The following SPRED2 variants were observed in gnomAD, a reference collection of about 807,000 sequenced individuals.
SPRED2 encodes the protein sprouty related EVH1 domain containing 2.
Under a neutral mutation model 43.0 loss-of-function variants are expected in SPRED2, and 47 were observed. The ratio of observed to expected loss-of-function variants is 1.09; its 90% CI spans 0.87 to 1.40. The LOEUF is 1.40. SPRED2 is among the 40% of genes most tolerant of loss of function. The pLI is 0.00. For synonymous variants in SPRED2, 225 were observed against 225.7 expected (o/e 1.00, Z 0.03); for missense variants, 561 against 586.4 (o/e 0.96, Z 0.45).
chr2:65,344,466 G>C, intron 2 of SPRED2: 1 of 601,388 alleles, frequency 1.7e-6, no homozygotes, highest in Non-Finnish European at 3.1e-6. Flanking sequence ...CTTAATCAAA[G>C]ATGCAAATAA....
intron 1 of SPRED2, among the ~76,000 whole-genome samples, chr2:65,359,045 G>C (rs534505327): frequency 6.6e-6 from 1 of 152,208 alleles, no homozygotes; most frequent in Non-Finnish European, 1.5e-5. Context: ...CCGTACTGAT[G>C]TTATTTTACA....
At chr2:65,431,003 G>T (rs1017963240) in intron 1 of SPRED2, among the ~76,000 whole-genome samples, 3 of 152,052 alleles carry the variant, frequency 2.0e-5, no homozygotes, top group Non-Finnish European at 4.4e-5. Flanking sequence ...ACCCGAGACT[G>T]AAAACGCCTC....
intron 4 of SPRED2, among the ~76,000 whole-genome samples, chr2:65,318,753 C>T (rs868634413): frequency 6.9e-6 from 1 of 144,208 alleles, no homozygotes; most frequent in Non-Finnish European, 1.5e-5. Flanking sequence ...CTCAAGTGAT[C>T]CCCCTGCTTC....
intron 1 of SPRED2, among the ~76,000 whole-genome samples, chr2:65,370,532 C>T (rs1675098930): frequency 6.6e-6 from 1 of 152,108 alleles, no homozygotes; most frequent in Admixed American, 6.5e-5. Flanking sequence ...AATTCGTTGA[C>T]CCCCAGTGAT....
intron 4 of SPRED2, among the ~76,000 whole-genome samples, chr2:65,329,415 G>C (rs1416575901): frequency 6.6e-6 from 1 of 152,226 alleles, no homozygotes; most frequent in Non-Finnish European, 1.5e-5. Context: ...ATAGGTCCTT[G>C]TTTGTAAACA....
At chr2:65,411,934 T>A (rs994377906) in intron 1 of SPRED2, among the ~76,000 whole-genome samples, 5 of 152,054 alleles carry the variant, frequency 3.3e-5, no homozygotes, top group Admixed American at 3.3e-4. Flanking sequence ...GAGACCATCC[T>A]GGCCAACACG....
chr2:65,311,294 T>C lies in SPRED2; in HGVS notation c.*2207A>G. On this transcript the variant is annotated 3_prime_UTR_variant, in exon 6 of 6. Coordinates refer to ENST00000356388, the MANE Select transcript of SPRED2 (RefSeq NM_181784.3). ...ACATAAATGTCCCCATGGCTGTCTT[T>C]GTGCCCTTAACCGATGCCTTCACAA... The C allele has an allele frequency of 2.0e-6, 2 of 985,912 alleles. No individual in the cohort carries two copies. Among genetic ancestry groups the C allele is most frequent in the Non-Finnish European group, 2.4e-6 (2 of 829,954 alleles). The allele number at this position is 985,912 out of a possible 1,614,324, so 61.1% of individuals were successfully genotyped here.
intron 1 of SPRED2, among the ~76,000 whole-genome samples, chr2:65,422,624 A>G (rs1466051476): frequency 6.6e-6 from 1 of 152,132 alleles, no homozygotes; most frequent in Non-Finnish European, 1.5e-5. Context: ...CTGGGGCCTA[A>G]GTACATTCTA....
Position 65,311,765 on chromosome 2 carries a change from AT to A in SPRED2, c.*1735del. On this transcript the variant is annotated 3_prime_UTR_variant, in exon 6 of 6. Coordinates refer to ENST00000356388, the MANE Select transcript of SPRED2 (RefSeq NM_181784.3). ...TAACTGACTCATAAGCACACTGGGT[AT>A]TTACACCGGTAATCTACTAAAGAAA... 1 of 985,430 alleles carries A rather than the reference AT, an allele frequency of 1.0e-6. No homozygotes were observed. The highest frequency in any genetic ancestry group is 1.2e-6 in the Non-Finnish European group (1 of 829,942). 61.0% of individuals were successfully genotyped at this position (985,430 alleles called of 1,614,324 possible). A position where few individuals can be genotyped will look rare whatever the true frequency, so the allele number is the denominator to read the frequency against.
rs887855244 is a variant in SPRED2, at chr2:65,381,095, T to C, written c.27-36199A>G. Among the ~76,000 whole-genome samples, 5 of 152,118 alleles carry C rather than the reference T, an allele frequency of 3.3e-5. No homozygotes were observed. In the East Asian group the frequency reaches 5.8e-4, roughly 18 times the overall value. On this transcript the variant is annotated intron_variant, in intron 1 of 5. Transcript: ENST00000356388. ...GAAGCCATTGAGAGGTCAAACCAAA[T>C]AGGCAGCCTGACTCCAGACACATGG...
intron 1 of SPRED2, among the ~76,000 whole-genome samples, chr2:65,360,079 CAAAAAA>C (rs143422380): frequency 1.1e-5 from 1 of 93,704 alleles, no homozygotes; most frequent in Non-Finnish European, 2.0e-5. Flanking sequence ...AAAAAAAAAA[CAAAAAA>C]AAACAAAAAA....
intron 4 of SPRED2, among the ~76,000 whole-genome samples, chr2:65,327,767 A>G (rs1673680282): frequency 4.3e-5 from 5 of 116,552 alleles, no homozygotes. Flanking sequence ...TCTGTCGCCC[A>G]GGCTGGAGTG....
intron 4 of SPRED2, among the ~76,000 whole-genome samples, chr2:65,327,946 A>G (rs1441724949): frequency 6.6e-6 from 1 of 151,728 alleles, no homozygotes; most frequent in Non-Finnish European, 1.5e-5. Context: ...CTGGTCTTGA[A>G]TTGCTGACCT....
intron 1 of SPRED2, among the ~76,000 whole-genome samples, chr2:65,346,117 T>C (rs1455376633): frequency 6.6e-6 from 1 of 152,144 alleles, no homozygotes; most frequent in African/African-American, 2.4e-5. Flanking sequence ...ACTCAGAACC[T>C]GGTCCCCACA....
At position 65,314,037 on chromosome 2, in the gene SPRED2, GGT is replaced by G. The variant is rs749315421; in HGVS notation, c.719_720del (p.Tyr240SerfsTer23). On this transcript the variant is annotated frameshift_variant, in exon 6 of 6. Coordinates refer to ENST00000356388, the MANE Select transcript of SPRED2 (RefSeq NM_181784.3). LOFTEE classifies it high-confidence loss of function. ...DYRHAPVRGK[Y>X]PDPSEDADSS... ...GAGTCCGCGTCCTCCGAGGGGTCCGGGTACTTGCCCCTGACGGGTGCGTGCCG... is the reference window on the plus strand; with the variant it reads ...GAGTCCGCGTCCTCCGAGGGGTCCGGACTTGCCCCTGACGGGTGCGTGCCG... 1 of 1,614,154 alleles carries G rather than the reference GGT, an allele frequency of 6.2e-7. No homozygotes were observed. Among genetic ancestry groups the G allele is most frequent in the Non-Finnish European group, 8.5e-7 (1 of 1,180,024 alleles).
chr2:65,411,635 T>C (rs2103764503), intron 1 of SPRED2, among the ~76,000 whole-genome samples: 1 of 152,278 alleles, frequency 6.6e-6, no homozygotes, highest in East Asian at 1.9e-4. Context: ...TGACTTTGAG[T>C]TAAGTGGCTT....
Position 65,389,178 on chromosome 2 carries a change from T to C in SPRED2, c.26+42784A>G, listed in dbSNP as rs374389994. Reference sequence around the variant, plus strand: ...CAGGCCCGAGAGTTCAATTCTCCCTTGTTCTCACCCCAAGAGATGCCTCAT... The same window carrying C: ...CAGGCCCGAGAGTTCAATTCTCCCTCGTTCTCACCCCAAGAGATGCCTCAT... On this transcript the variant is annotated intron_variant, in intron 1 of 5. Transcript: ENST00000356388. Among the ~76,000 whole-genome samples, 8 of 152,080 alleles carry C rather than the reference T, an allele frequency of 5.3e-5. No homozygotes were observed. In the South Asian group the frequency reaches 1.7e-3, roughly 32 times the overall value.
At chr2:65,401,164 C>T (rs1311326167) in intron 1 of SPRED2, among the ~76,000 whole-genome samples, 3 of 151,352 alleles carry the variant, frequency 2.0e-5, no homozygotes, top group Non-Finnish European at 2.9e-5. Flanking sequence ...TTAGTAGAGA[C>T]GTGGTTTCAC....
At chr2:65,325,930 C>A (rs1362322281) in intron 4 of SPRED2, among the ~76,000 whole-genome samples, 1 of 151,678 alleles carries the variant, frequency 6.6e-6, no homozygotes, top group Non-Finnish European at 1.5e-5. Flanking sequence ...TTACATTGAG[C>A]TGATATTGTG....
Sources: gnomAD v4.1 joint callset for allele counts (sites outside exome capture counted in the v4.1 genomes callset) on GRCh38, gnomAD v4.1.1 for gene constraint, MANE v1.5 for transcripts, NCBI Gene and HGNC (gene_info 2026-07-23, HGNC 2026-07-21) for gene names.